The following ARHGAP24 variants were observed in gnomAD, a reference collection of about 807,000 sequenced individuals.
ARHGAP24 encodes rho GTPase-activating protein 24.
A neutral mutation model predicts 76.4 loss-of-function variants in ARHGAP24; 50 were observed. That is an observed-to-expected ratio of 0.65 (90% CI 0.52 to 0.83). The LOEUF is 0.83. Among genes scored for constraint, ARHGAP24 ranks in the 40% least tolerant of loss-of-function variants. ARHGAP24 has a pLI of 0.00. For missense variants in ARHGAP24, 930 were observed against 914.2 expected (o/e 1.02, Z -0.22); for synonymous variants, 345 against 323.3 (o/e 1.07, Z -0.72).
At chr4:85,925,463 C>T (rs1048172059) in intron 4 of ARHGAP24, among the ~76,000 whole-genome samples, 6 of 152,116 alleles carry the variant, frequency 3.9e-5, no homozygotes, top group Middle Eastern at 3.4e-3. Context: ...AAATGTTTCA[C>T]TTACGTGAAA....
At chr4:85,622,371 T>C (rs1279520720) in intron 2 of ARHGAP24, among the ~76,000 whole-genome samples, 1 of 151,276 alleles carries the variant, frequency 6.6e-6, no homozygotes, top group East Asian at 2.0e-4. Flanking sequence ...CTTGCGATAG[T>C]TTGCTGAGAA....
chr4:85,642,469 C>T (rs1721558034), intron 2 of ARHGAP24, among the ~76,000 whole-genome samples: 1 of 152,110 alleles, frequency 6.6e-6, no homozygotes. Flanking sequence ...CTTCCTCTCA[C>T]CCCAAACCTG....
intron 2 of ARHGAP24, among the ~76,000 whole-genome samples, chr4:85,577,603 C>T (rs540969486): frequency 3.9e-5 from 6 of 152,082 alleles, no homozygotes; most frequent in South Asian, 2.1e-4. Context: ...GTCTGCTATA[C>T]GTGACTAAAG....
Position 85,682,392 on chromosome 4 carries a change from G to C in ARHGAP24, c.181-39493G>C, listed in dbSNP as rs112775283. Among the ~76,000 whole-genome samples the C allele has an allele frequency of 1.5e-3, 231 of 152,290 alleles. 3 individuals carry two copies. The highest frequency in any genetic ancestry group is 5.3e-3 in the African/African-American group (221 of 41,564). ...ATAGCCAGTGGTTTGTGTTGTTTCAGACTTGTGCATTTTTACAAAGCAGGA... is the reference window on the plus strand; with the variant it reads ...ATAGCCAGTGGTTTGTGTTGTTTCACACTTGTGCATTTTTACAAAGCAGGA... On this transcript the variant is annotated intron_variant, in intron 2 of 9. Transcript: ENST00000395184.
chr4:85,624,928 T>C (rs149920139), intron 2 of ARHGAP24, among the ~76,000 whole-genome samples: 1,573 of 152,328 alleles, frequency 0.01, 12 homozygotes, highest in Middle Eastern at 0.02. Context: ...ATCCCCTTTC[T>C]CATTTTTTAT....
intron 2 of ARHGAP24, among the ~76,000 whole-genome samples, chr4:85,579,921 T>C (rs1727539032): frequency 6.6e-6 from 1 of 152,236 alleles, no homozygotes. Flanking sequence ...AATATTCATT[T>C]ACAAGTGTTT....
chr4:85,824,493 T>C (rs1729620063), intron 3 of ARHGAP24, among the ~76,000 whole-genome samples: 1 of 152,144 alleles, frequency 6.6e-6, no homozygotes, highest in Admixed American at 6.5e-5. Context: ...ACATTGCCTC[T>C]AGGAAACATC....
At chr4:85,959,317 G>T (rs1738107682) in intron 5 of ARHGAP24, among the ~76,000 whole-genome samples, 1 of 152,120 alleles carries the variant, frequency 6.6e-6, no homozygotes, top group Admixed American at 6.5e-5. Context: ...GAGGGGGTTT[G>T]GTTGGCCTCT....
chr4:85,707,086 TA>T (rs1724342429), intron 2 of ARHGAP24, among the ~76,000 whole-genome samples: 1 of 152,138 alleles, frequency 6.6e-6, no homozygotes, highest in Non-Finnish European at 1.5e-5. Flanking sequence ...GGCTAATTTT[TA>T]AAAATTTTTT....
In ARHGAP24 at chr4:85,793,812, A is replaced by G. The variant is rs74929574; in HGVS notation, c.268+71840A>G. ...ATGTTGCCAAAAACACACACACAAG[A>G]AGCAGTGCCTTCTTTTTGATTATTT... On this transcript the variant is annotated intron_variant, in intron 3 of 9. Transcript: ENST00000395184. 4.0e-3 allele frequency among the ~76,000 whole-genome samples: 613 copies of G among 152,294 alleles called. 2 individuals carry two copies. Among genetic ancestry groups the G allele is most frequent in the Non-Finnish European group, 6.4e-3 (432 of 68,012 alleles).
chr4:85,707,086 T>A (rs1724342339), intron 2 of ARHGAP24, among the ~76,000 whole-genome samples: 3 of 152,138 alleles, frequency 2.0e-5, no homozygotes, highest in African/African-American at 2.4e-5. Flanking sequence ...GGCTAATTTT[T>A]AAAAATTTTT....
At chr4:85,655,652 G>A (rs185631045) in intron 2 of ARHGAP24, among the ~76,000 whole-genome samples, 259 of 151,438 alleles carry the variant, frequency 1.7e-3, no homozygotes, top group Non-Finnish European at 3.1e-3. Flanking sequence ...GTGATGGCAC[G>A]TGCCTGCTAC....
intron 2 of ARHGAP24, among the ~76,000 whole-genome samples, chr4:85,585,413 A>G (rs1727816192): frequency 6.6e-6 from 1 of 152,138 alleles, no homozygotes; most frequent in Non-Finnish European, 1.5e-5. Flanking sequence ...TGCCTCTGGC[A>G]CTCACCACTC....
intron 3 of ARHGAP24, among the ~76,000 whole-genome samples, chr4:85,874,010 G>A (rs561581502): frequency 5.7e-4 from 87 of 152,276 alleles, no homozygotes; most frequent in Non-Finnish European, 1.1e-3. Flanking sequence ...GTTACTCTGT[G>A]TATGGATTCC....
chr4:85,669,178 T>C (rs1443095252), intron 2 of ARHGAP24, among the ~76,000 whole-genome samples: 1 of 152,186 alleles, frequency 6.6e-6, no homozygotes, highest in Non-Finnish European at 1.5e-5. Flanking sequence ...ATTCACCTTT[T>C]ATACTGGTGT....
chr4:85,851,772 T>C (rs1284042647), intron 3 of ARHGAP24, among the ~76,000 whole-genome samples: 1 of 152,220 alleles, frequency 6.6e-6, no homozygotes, highest in African/African-American at 2.4e-5. Context: ...TGTTGAATAT[T>C]GGCCCCCACT....
At chr4:85,966,298 G>A (rs902181048) in intron 5 of ARHGAP24, among the ~76,000 whole-genome samples, 1 of 152,152 alleles carries the variant, frequency 6.6e-6, no homozygotes, top group African/African-American at 2.4e-5. Context: ...GAAGAGGATA[G>A]GAGGGATATT....
chr4:85,786,854 A>G (rs1298267521), intron 3 of ARHGAP24, among the ~76,000 whole-genome samples: 3 of 152,198 alleles, frequency 2.0e-5, no homozygotes, highest in African/African-American at 7.2e-5. Flanking sequence ...AGCCCAGAGA[A>G]GTTTTCCCAG....
chr4:85,594,056 T>C (rs1728219758), intron 2 of ARHGAP24, among the ~76,000 whole-genome samples: 1 of 152,124 alleles, frequency 6.6e-6, no homozygotes, highest in African/African-American at 2.4e-5. Flanking sequence ...ATGGACATTT[T>C]AGCGATTTTG....
Sources: gnomAD v4.1 joint callset for allele counts (sites outside exome capture counted in the v4.1 genomes callset) on GRCh38, gnomAD v4.1.1 for gene constraint, MANE v1.5 for transcripts, NCBI Gene and HGNC (gene_info 2026-07-23, HGNC 2026-07-21) for gene names.